The following SV2C variants were observed in gnomAD, a reference collection of about 807,000 sequenced individuals.
SV2C encodes the protein solute carrier family 22 member B3.
SV2C carries 49 observed loss-of-function variants against 79.7 expected under a neutral mutation model. The observed-to-expected ratio is 0.61, with a 90% CI of 0.49 to 0.78. The LOEUF (loss-of-function observed/expected upper bound fraction) is 0.78, where lower values mean the gene tolerates loss of function less well. Among genes scored for constraint, SV2C ranks in the 30% least tolerant of loss-of-function variants. The pLI is 0.00. For synonymous variants in SV2C, 334 were observed against 333.2 expected, an observed-to-expected ratio of 1.00 and a Z score of -0.03; for missense variants, 833 against 912.9, an observed-to-expected ratio of 0.91 and a Z score of 1.13.
chr5:75,954,752 C>A, the SV2C span, among the ~76,000 whole-genome samples: 12,778 of 145,118 alleles, frequency 0.088, 1,807 homozygotes, highest in African/African-American at 0.31. Flanking sequence ...CACAAATAAC[C>A]GACAAACAGA....
At chr5:76,042,727 T>C in the SV2C span, among the ~76,000 whole-genome samples, 1 of 152,228 alleles carries the variant, frequency 6.6e-6, no homozygotes, top group African/African-American at 2.4e-5. Flanking sequence ...TGTCTTGCCA[T>C]TGGACCTCCT....
the SV2C span, among the ~76,000 whole-genome samples, chr5:75,858,056 T>A: frequency 3.9e-5 from 6 of 152,198 alleles, no homozygotes; most frequent in African/African-American, 1.4e-4. Context: ...CAAACAAGGA[T>A]AATTTGACTT....
chr5:75,971,302 A>T, the SV2C span, among the ~76,000 whole-genome samples: 1 of 152,010 alleles, frequency 6.6e-6, no homozygotes, highest in African/African-American at 2.4e-5. Flanking sequence ...CCTATTCAAC[A>T]TAGTGTTGGA....
At chr5:76,059,459 C>G in the SV2C span, among the ~76,000 whole-genome samples, 31 of 151,370 alleles carry the variant, frequency 2.0e-4, no homozygotes, top group African/African-American at 6.1e-4. Context: ...AGCATCTTCA[C>G]TAGGAGTAGA....
the SV2C span, among the ~76,000 whole-genome samples, chr5:75,873,046 C>T: frequency 2.6e-5 from 4 of 151,938 alleles, no homozygotes; most frequent in African/African-American, 9.7e-5. Flanking sequence ...CAAAGGAGAG[C>T]ATTGATAGAT....
chr5:76,249,440 A>G (rs942232253), intron 4 of SV2C, among the ~76,000 whole-genome samples: 1 of 152,214 alleles, frequency 6.6e-6, no homozygotes, highest in Non-Finnish European at 1.5e-5. Flanking sequence ...AATTGGAAAG[A>G]TGCATGATGC....
intron 2 of SV2C, among the ~76,000 whole-genome samples, chr5:76,165,180 AGTT>A (rs1237125853): frequency 6.6e-6 from 1 of 152,196 alleles, no homozygotes; most frequent in Non-Finnish European, 1.5e-5. Flanking sequence ...ACTCAATAGA[AGTT>A]GTAGCAATAG....
At chr5:76,035,151 A>G in the SV2C span, among the ~76,000 whole-genome samples, 2 of 150,858 alleles carry the variant, frequency 1.3e-5, no homozygotes, top group Non-Finnish European at 2.9e-5. Flanking sequence ...TTTCTTTATA[A>G]GTCTTGCTAG....
chr5:75,931,557 G>A, the SV2C span, among the ~76,000 whole-genome samples: 2 of 152,134 alleles, frequency 1.3e-5, no homozygotes, highest in African/African-American at 2.4e-5. Context: ...CATAAATGTT[G>A]TTTTGGTCAC....
the SV2C span, among the ~76,000 whole-genome samples, chr5:76,001,035 G>A: frequency 6.6e-6 from 1 of 151,888 alleles, no homozygotes; most frequent in South Asian, 2.1e-4. Context: ...AACACCTGGA[G>A]TAAGAGATGC....
At chr5:75,990,764 C>A in the SV2C span, among the ~76,000 whole-genome samples, 6 of 151,876 alleles carry the variant, frequency 4.0e-5, no homozygotes, top group Non-Finnish European at 7.4e-5. Context: ...TGTAACAAAC[C>A]AGCACATTGT....
chr5:76,041,954 C>G, the SV2C span, among the ~76,000 whole-genome samples: 3 of 152,120 alleles, frequency 2.0e-5, no homozygotes, highest in Non-Finnish European at 2.9e-5. Context: ...GAACGCTCCC[C>G]CTGCTTTGCC....
chr5:76,049,753 G>A, the SV2C span, among the ~76,000 whole-genome samples: 6 of 152,166 alleles, frequency 3.9e-5, no homozygotes, highest in African/African-American at 1.4e-4. Context: ...CCCCAAAGCA[G>A]CAAAGAAAAC....
intron 1 of SV2C, among the ~76,000 whole-genome samples, chr5:76,095,057 T>C (rs1747508471): frequency 6.6e-6 from 1 of 152,076 alleles, no homozygotes; most frequent in African/African-American, 2.4e-5. Context: ...TCAATGTTTT[T>C]TTTCTAGAGA....
the SV2C span, among the ~76,000 whole-genome samples, chr5:75,891,655 C>T: frequency 6.6e-6 from 1 of 152,084 alleles, no homozygotes; most frequent in Non-Finnish European, 1.5e-5. Context: ...TAACAGATGG[C>T]ATGAAATAGA....
At chr5:75,973,300 A>C in the SV2C span, among the ~76,000 whole-genome samples, 3 of 151,854 alleles carry the variant, frequency 2.0e-5, no homozygotes, top group Non-Finnish European at 4.4e-5. Context: ...TGTTGTGCAC[A>C]CGTACCCTAA....
the SV2C span, among the ~76,000 whole-genome samples, chr5:76,014,512 AG>A: frequency 6.6e-6 from 1 of 152,196 alleles, no homozygotes; most frequent in African/African-American, 2.4e-5. Context: ...ATTATATCAA[AG>A]CATTCTTGAA....
intron 4 of SV2C, among the ~76,000 whole-genome samples, chr5:76,222,240 A>G (rs1037532497): frequency 2.6e-5 from 4 of 152,204 alleles, no homozygotes; most frequent in African/African-American, 7.2e-5. Context: ...TATTTGTAAC[A>G]CCCAAAAGCT....
chr5:75,891,914 T>G, the SV2C span, among the ~76,000 whole-genome samples: 3 of 152,182 alleles, frequency 2.0e-5, no homozygotes, highest in East Asian at 5.8e-4. Context: ...TAGAGGGGCC[T>G]GCAATGGTCC....
Sources: gnomAD v4.1 joint callset for allele counts (sites outside exome capture counted in the v4.1 genomes callset) on GRCh38, gnomAD v4.1.1 for gene constraint, MANE v1.5 for transcripts, NCBI Gene and HGNC (gene_info 2026-07-23, HGNC 2026-07-21) for gene names.